The following LRRC4C variants were observed in gnomAD, a reference collection of about 807,000 sequenced individuals.
LRRC4C encodes leucine rich repeat containing 4C, also known as leucine-rich repeat-containing protein 4C.
LRRC4C carries 5 observed loss-of-function variants against 33.6 expected under a neutral mutation model. The ratio of observed to expected loss-of-function variants is 0.15; its 90% CI spans 0.08 to 0.31. The LOEUF (loss-of-function observed/expected upper bound fraction) is 0.31. LRRC4C is among the 10% of genes least tolerant of loss of function. The probability of loss-of-function intolerance (pLI) is 1.00; values close to 1 mark genes in which losing one functional copy is unlikely to be tolerated. For missense variants in LRRC4C, 560 were observed against 796.7 expected, an observed-to-expected ratio of 0.70 and a Z score of 3.58; for synonymous variants, 329 against 302.0, an observed-to-expected ratio of 1.09 and a Z score of -0.93.
chr11:40,470,843 T>C (rs972496162), intron 3 of LRRC4C, among the ~76,000 whole-genome samples: 1 of 151,932 alleles, frequency 6.6e-6, no homozygotes, highest in Non-Finnish European at 1.5e-5. Flanking sequence ...GAAAAAAGAA[T>C]GAAAAGGAAC....
chr11:41,459,028 C>A (rs550717463), intron 1 of LRRC4C, among the ~76,000 whole-genome samples: 1 of 152,110 alleles, frequency 6.6e-6, no homozygotes, highest in African/African-American at 2.4e-5. Flanking sequence ...CCCCACCTCC[C>A]CAGCCCCCAG....
intron 6 of LRRC4C, among the ~76,000 whole-genome samples, chr11:40,139,148 G>C (rs1171655137): frequency 2.0e-5 from 3 of 152,198 alleles, no homozygotes; most frequent in Admixed American, 2.0e-4. Flanking sequence ...GAGGGGAAAA[G>C]AGTTTCGGAG....
intron 1 of LRRC4C, among the ~76,000 whole-genome samples, chr11:41,375,972 G>C (rs1952922445): frequency 6.6e-6 from 1 of 151,844 alleles, no homozygotes; most frequent in Non-Finnish European, 1.5e-5. Flanking sequence ...AAACTGTGAA[G>C]ACTTGGTATG....
At chr11:41,151,089 G>A (rs144967922) in intron 1 of LRRC4C, among the ~76,000 whole-genome samples, 6 of 151,832 alleles carry the variant, frequency 4.0e-5, no homozygotes, top group East Asian at 3.9e-4. Context: ...CAATCAGTAA[G>A]CATTATATAT....
At chr11:40,327,882 C>T (rs535221695) in intron 3 of LRRC4C, among the ~76,000 whole-genome samples, 4 of 152,066 alleles carry the variant, frequency 2.6e-5, no homozygotes, top group Admixed American at 2.6e-4. Context: ...AAAAACTTTA[C>T]ATCACTTAGA....
intron 1 of LRRC4C, among the ~76,000 whole-genome samples, chr11:41,039,286 T>C (rs1046445044): frequency 1.3e-5 from 2 of 152,120 alleles, no homozygotes; most frequent in African/African-American, 2.4e-5. Flanking sequence ...TTTCTAAAAA[T>C]TGTTTCCATA....
At chr11:41,264,035 C>T (rs1315132034) in intron 1 of LRRC4C, among the ~76,000 whole-genome samples, 2 of 151,668 alleles carry the variant, frequency 1.3e-5, no homozygotes, top group Admixed American at 6.6e-5. Context: ...AAGTATAATA[C>T]AAAAATTGCA....
In LRRC4C at chr11:40,114,346, G is replaced by GT. The variant is rs775006200; in HGVS notation, c.*23dup. 1 of 1,519,602 alleles carries GT rather than the reference G, an allele frequency of 6.6e-7. No homozygotes were observed. Among genetic ancestry groups the GT allele is most frequent in the Non-Finnish European group, 8.8e-7 (1 of 1,135,500 alleles). 94.1% of individuals were successfully genotyped at this position (1,519,602 alleles called of 1,614,324 possible). Reference sequence around the variant, plus strand: ...AAACTGTCTTTTTTTTTGATTGTTTGTTTTTTGTAACTCTGTAAATGTTTT... The same window carrying GT: ...AAACTGTCTTTTTTTTTGATTGTTTGTTTTTTTGTAACTCTGTAAATGTTTT... On this transcript the variant is annotated 3_prime_UTR_variant, in exon 7 of 7. Coordinates refer to ENST00000528697, the MANE Select transcript of LRRC4C (RefSeq NM_001258419.2).
chr11:40,646,324 A>T (rs1242692844), intron 3 of LRRC4C, among the ~76,000 whole-genome samples: 2 of 152,220 alleles, frequency 1.3e-5, no homozygotes, highest in Non-Finnish European at 2.9e-5. Flanking sequence ...AGTTGCAAAA[A>T]GTTTAAAGCT....
At chr11:40,627,301 C>T (rs1963046896) in intron 3 of LRRC4C, among the ~76,000 whole-genome samples, 2 of 146,878 alleles carry the variant, frequency 1.4e-5, no homozygotes, top group Non-Finnish European at 3.0e-5. Context: ...GAATAAAAGT[C>T]AGTCATCATT....
intron 1 of LRRC4C, among the ~76,000 whole-genome samples, chr11:41,454,893 T>C (rs1381964731): frequency 6.6e-6 from 1 of 152,144 alleles, no homozygotes; most frequent in Non-Finnish European, 1.5e-5. Flanking sequence ...TGAGAGAATA[T>C]ATGTGAGCTA....
At chr11:40,418,958 C>T (rs1036514913) in intron 3 of LRRC4C, among the ~76,000 whole-genome samples, 2 of 152,080 alleles carry the variant, frequency 1.3e-5, no homozygotes, top group African/African-American at 4.8e-5. Flanking sequence ...GAACAACACA[C>T]ATTTGGGCCT....
intron 1 of LRRC4C, among the ~76,000 whole-genome samples, chr11:41,012,031 A>G (rs1244078388): frequency 2.0e-5 from 3 of 151,436 alleles, no homozygotes; most frequent in Non-Finnish European, 2.9e-5. Context: ...TGTAAAGATC[A>G]GCGTTCTTGG....
chr11:40,836,872 T>C (rs1952696663), intron 2 of LRRC4C, among the ~76,000 whole-genome samples: 1 of 152,134 alleles, frequency 6.6e-6, no homozygotes, highest in Non-Finnish European at 1.5e-5. Flanking sequence ...TCATCCACCA[T>C]TATCATCTTT....
chr11:40,717,074 T>C (rs1003413149), intron 2 of LRRC4C, among the ~76,000 whole-genome samples: 2 of 152,294 alleles, frequency 1.3e-5, no homozygotes, highest in South Asian at 4.1e-4. Context: ...GTATTTTGAT[T>C]ATAGGCATCA....
At chr11:40,207,999 C>T (rs1236446963) in intron 5 of LRRC4C, among the ~76,000 whole-genome samples, 1 of 152,088 alleles carries the variant, frequency 6.6e-6, no homozygotes, top group East Asian at 1.9e-4. Flanking sequence ...GACAATACTA[C>T]GGGACACTAA....
intron 3 of LRRC4C, among the ~76,000 whole-genome samples, chr11:40,601,198 T>A (rs1959959777): frequency 6.6e-6 from 1 of 152,228 alleles, no homozygotes; most frequent in Non-Finnish European, 1.5e-5. Flanking sequence ...TAATTGAATC[T>A]CTTTACTATT....
At chr11:40,922,912 G>A (rs1163548414) in intron 2 of LRRC4C, among the ~76,000 whole-genome samples, 2 of 151,978 alleles carry the variant, frequency 1.3e-5, no homozygotes, top group African/African-American at 4.8e-5. Flanking sequence ...TGCAACCTCC[G>A]CCTCCCGGTT....
intron 5 of LRRC4C, among the ~76,000 whole-genome samples, chr11:40,151,261 C>T (rs1032679354): frequency 2.6e-5 from 4 of 152,286 alleles, no homozygotes; most frequent in African/African-American, 9.6e-5. Flanking sequence ...CACAACCAGA[C>T]AACAGACTCT....
Sources: allele counts gnomAD v4.1 joint callset (sites outside exome capture counted in the v4.1 genomes callset), GRCh38; gene constraint gnomAD v4.1.1; transcripts MANE v1.5; gene names NCBI Gene and HGNC (gene_info 2026-07-23, HGNC 2026-07-21).